Variants in MAPK10 observed in about 807,000 individuals in gnomAD.
MAPK10 encodes mitogen-activated protein kinase 10.
In MAPK10, 25 loss-of-function variants were observed where a neutral mutation model predicts 59.3. The observed-to-expected ratio is 0.42, with a 90% CI of 0.31 to 0.59. The LOEUF is 0.59. MAPK10 is among the 20% of genes least tolerant of loss of function. The probability of loss-of-function intolerance (pLI) is 0.15; values close to 1 mark genes in which losing one functional copy is unlikely to be tolerated. For missense variants in MAPK10, 351 were observed against 568.9 expected (o/e 0.62, Z 3.90); for synonymous variants, 190 against 200.5 (o/e 0.95, Z 0.44).
chr4:86,221,172 G>A (rs1001210479), intron 2 of MAPK10, among the ~76,000 whole-genome samples: 1 of 152,140 alleles, frequency 6.6e-6, no homozygotes, highest in Non-Finnish European at 1.5e-5. Context: ...AGACAAAATG[G>A]AGAAGTGATA....
intron 1 of MAPK10, among the ~76,000 whole-genome samples, chr4:86,532,135 A>C (rs1031237081): frequency 2.7e-5 from 4 of 150,086 alleles, no homozygotes; most frequent in African/African-American, 9.7e-5. Flanking sequence ...AGGGCAAAGA[A>C]GCTCCCATCA....
At chr4:86,121,999 T>A (rs2059335770) in intron 4 of MAPK10, among the ~76,000 whole-genome samples, 1 of 152,162 alleles carries the variant, frequency 6.6e-6, no homozygotes, top group Non-Finnish European at 1.5e-5. Flanking sequence ...GCCATTTAGT[T>A]CATCCCTAAA....
At chr4:86,098,629 G>C in intron 8 of MAPK10, 34 bp from the exon 9 acceptor site, 1 of 1,490,792 alleles carries the variant, frequency 6.7e-7, no homozygotes, top group Non-Finnish European at 9.4e-7. Flanking sequence ...TGAAGAAAAG[G>C]GAGGAAAGTA....
chr4:86,467,344 T>C (rs931351313), intron 1 of MAPK10, among the ~76,000 whole-genome samples: 1 of 152,194 alleles, frequency 6.6e-6, no homozygotes, highest in African/African-American at 2.4e-5. Context: ...CAGAGAAAGA[T>C]AAGGAAATAA....
intron 1 of MAPK10, among the ~76,000 whole-genome samples, chr4:86,545,919 G>T (rs1759114175): frequency 6.6e-6 from 1 of 152,128 alleles, no homozygotes; most frequent in African/African-American, 2.4e-5. Context: ...GAATTTTGAG[G>T]GCTCAGTCCA....
At chr4:86,280,593 G>A (rs778438028) in intron 2 of MAPK10, among the ~76,000 whole-genome samples, 2 of 151,956 alleles carry the variant, frequency 1.3e-5, no homozygotes, top group African/African-American at 2.4e-5. Flanking sequence ...GGGATTACTG[G>A]GTATATACCC....
chr4:86,193,359 C>T (rs1414699342), intron 3 of MAPK10: 3 of 152,386 alleles, frequency 2.0e-5, no homozygotes, highest in East Asian at 3.9e-4. Flanking sequence ...CACAGCTGCC[C>T]CTTCACCCAG....
intron 9 of MAPK10, among the ~76,000 whole-genome samples, chr4:86,075,706 G>A (rs1481624154): frequency 3.9e-5 from 6 of 152,220 alleles, no homozygotes; most frequent in Admixed American, 2.0e-4. Context: ...TAGACTTCTC[G>A]GGGGTCAGGG....
At chr4:86,021,783 C>A (rs899781676) in intron 13 of MAPK10, among the ~76,000 whole-genome samples, 1 of 152,236 alleles carries the variant, frequency 6.6e-6, no homozygotes, top group African/African-American at 2.4e-5. Context: ...GGCGAGAAAT[C>A]GAGCACAGCG....
chr4:86,532,607 T>G (rs1270647436), intron 1 of MAPK10, among the ~76,000 whole-genome samples: 1 of 152,206 alleles, frequency 6.6e-6, no homozygotes, highest in Non-Finnish European at 1.5e-5. Context: ...TATACCACCT[T>G]TTCCTTAAAA....
chr4:86,519,434 A>T (rs2149086977), intron 1 of MAPK10, among the ~76,000 whole-genome samples: 1 of 152,314 alleles, frequency 6.6e-6, no homozygotes, highest in Admixed American at 6.5e-5. Context: ...GTCTAATAAT[A>T]GCTACTCCTG....
intron 2 of MAPK10, among the ~76,000 whole-genome samples, chr4:86,352,766 T>C (rs1328184592): frequency 6.6e-6 from 1 of 152,208 alleles, no homozygotes; most frequent in African/African-American, 2.4e-5. Context: ...TACACTCTTC[T>C]ATGCGTATGG....
intron 2 of MAPK10, among the ~76,000 whole-genome samples, chr4:86,313,891 A>G (rs181481460): frequency 2.6e-4 from 39 of 152,132 alleles, no homozygotes; most frequent in Admixed American, 3.3e-4. Context: ...CTGAAAGTCA[A>G]GTGCAAGAAC....
At chr4:86,437,403 T>C (rs971254428) in intron 1 of MAPK10, among the ~76,000 whole-genome samples, 1 of 152,156 alleles carries the variant, frequency 6.6e-6, no homozygotes, top group African/African-American at 2.4e-5. Context: ...ATTCTGTTAT[T>C]TGTGCAGAAT....
intron 1 of MAPK10, among the ~76,000 whole-genome samples, chr4:86,451,167 G>A (rs554675318): frequency 6.6e-6 from 1 of 152,136 alleles, no homozygotes; most frequent in Non-Finnish European, 1.5e-5. Context: ...GATTCTGTTT[G>A]TAGAGTCCTC....
At chr4:86,541,170 G>A (rs1662346889) in intron 1 of MAPK10, among the ~76,000 whole-genome samples, 2 of 152,102 alleles carry the variant, frequency 1.3e-5, no homozygotes, top group East Asian at 1.9e-4. Context: ...GGAACAATGC[G>A]ACAGCTGGCT....
At chr4:86,493,239 A>G (rs1754612094) in intron 1 of MAPK10, among the ~76,000 whole-genome samples, 2 of 152,162 alleles carry the variant, frequency 1.3e-5, no homozygotes. Context: ...GATTCTGAGG[A>G]CTGCCTGATT....
At chr4:86,492,298 T>G (rs1355194410) in intron 1 of MAPK10, among the ~76,000 whole-genome samples, 1 of 152,230 alleles carries the variant, frequency 6.6e-6, no homozygotes, top group East Asian at 1.9e-4. Context: ...CAGGGTTTTA[T>G]GAAGCATTTA....
At chr4:86,209,117 G>A (rs114257578) in intron 2 of MAPK10, among the ~76,000 whole-genome samples, 4,534 of 152,092 alleles carry the variant, frequency 0.03, 92 homozygotes, top group South Asian at 0.041. Context: ...AGGAGAGATC[G>A]TGTTCATTAT....
Sources: allele counts gnomAD v4.1 joint callset (sites outside exome capture counted in the v4.1 genomes callset), GRCh38; gene constraint gnomAD v4.1.1; transcripts MANE v1.5; gene names NCBI Gene and HGNC (gene_info 2026-07-23, HGNC 2026-07-21).